The following OAS3 variants were observed in gnomAD, a reference collection of about 807,000 sequenced individuals.
OAS3 encodes 2'-5'-oligoadenylate synthetase 3.
A neutral mutation model predicts 113.0 loss-of-function variants in OAS3; 107 were observed. The observed-to-expected ratio is 0.95, with a 90% CI of 0.81 to 1.11. The LOEUF is 1.11. Among genes scored for constraint, OAS3 ranks in the 50% most tolerant of loss-of-function variants. The pLI is 0.00. For synonymous variants in OAS3, 552 were observed against 573.6 expected (o/e 0.96, Z 0.54); for missense variants, 1,258 against 1,389.1 (o/e 0.91, Z 1.50).
At position 112,954,047 on chromosome 12, in the gene OAS3, G is replaced by A. The variant is rs1446027070; in HGVS notation, c.1657+3072G>A. The stretch of plus-strand genomic sequence containing the variant: ...TGTTGCCATTGCTTTTGGTGTTTTA[G>A]TCATGAAGTCCTTGCCCATGCCTAT... On this transcript the variant is annotated intron_variant, in intron 7 of 15. Coordinates refer to ENST00000228928, the MANE Select transcript of OAS3 (RefSeq NM_006187.4). The surrounding 1 kb of genome is among the most constrained non-coding windows in gnomAD (Gnocchi z 4.0). 6.6e-6 allele frequency among the ~76,000 whole-genome samples: 1 copy of A among 152,144 alleles called. No individual in the cohort carries two copies. The highest frequency in any genetic ancestry group is 6.5e-5 in the Admixed American group (1 of 15,278).
rs950214878 is a variant in OAS3 at position 112,948,988 on chromosome 12, G to A, written c.1157G>A (p.Cys386Tyr). 2 of 1,613,832 alleles carry A rather than the reference G, an allele frequency of 1.2e-6. No individual in the cohort carries two copies. Among genetic ancestry groups the A allele is most frequent in the African/African-American group, 1.3e-5 (1 of 74,920 alleles). ...AGAGCAGGGAGCAAACCTCCCTCAT[G>A]CCCAGCTCCTGGCCCCACTGGGGCA... ...YPRAGSKPPS[C>Y]PAPGPTGAAS... Residue 386 changes from cysteine to tyrosine, a missense_variant, in exon 6 of 16, where the codon TGC (cysteine) becomes TAC (tyrosine). Transcript: ENST00000228928.
intron 1 of OAS3, among the ~76,000 whole-genome samples, chr12:112,940,554 C>T (rs938252349): frequency 6.6e-6 from 1 of 152,114 alleles, no homozygotes; most frequent in Admixed American, 6.5e-5. Context: ...GAAGCTTTGC[C>T]GAAAGAAACA....
At chr12:112,968,786 A>G (rs1039876958) in intron 14 of OAS3, among the ~76,000 whole-genome samples, 12 of 152,192 alleles carry the variant, frequency 7.9e-5, no homozygotes, top group African/African-American at 2.4e-4. Flanking sequence ...AAGTGCTGGG[A>G]TTACAGGCAT....
At chr12:112,968,921 A>C (rs1012328078) in intron 14 of OAS3, among the ~76,000 whole-genome samples, 1 of 152,212 alleles carries the variant, frequency 6.6e-6, no homozygotes, top group Non-Finnish European at 1.5e-5. Flanking sequence ...ATGGGTACAG[A>C]GATAATAGAG....
rs368532523 is a variant in OAS3 at position 112,941,527 on chromosome 12, G to A, written c.178-43G>A. The stretch of plus-strand genomic sequence containing the variant: ...TGCCTGCCAGGTTGCAAGGCCACTA[G>A]AATTGGACAGTATGAAATTCTGAGT... On this transcript the variant is annotated intron_variant, in intron 1 of 15. Transcript: ENST00000228928. 1.2e-5 allele frequency: 19 copies of A among 1,588,128 alleles called. No homozygotes were observed. The African/African-American group carries it at 1.7e-4, about 15-fold the overall frequency.
At chr12:112,953,659 G>C (rs1445297225) in intron 7 of OAS3, among the ~76,000 whole-genome samples, 1 of 151,968 alleles carries the variant, frequency 6.6e-6, no homozygotes, top group Non-Finnish European at 1.5e-5. Context: ...GTTGTTTCCT[G>C]ACTTTTTAAT....
intron 7 of OAS3, among the ~76,000 whole-genome samples, chr12:112,951,839 C>CAAAAAAAAA (rs3038125): frequency 7.2e-3 from 755 of 104,864 alleles, no homozygotes; most frequent in Middle Eastern, 0.015. Flanking sequence ...ACTAAAAATA[C>CAAAAAAAAA]AAAAAAAAAA....
chr12:112,963,195 A>T lies in OAS3; in HGVS notation c.2085-118A>T. The T allele has an allele frequency of 7.8e-7, 1 of 1,288,668 alleles. No individual in the cohort carries two copies. Among genetic ancestry groups the T allele is most frequent in the Non-Finnish European group, 1.0e-6 (1 of 960,316 alleles). The allele number at this position is 1,288,668 out of a possible 1,614,324, so 79.8% of individuals were successfully genotyped here. A position where few individuals can be genotyped will look rare whatever the true frequency, so the allele number is the denominator to read the frequency against. ...TCGCTTCTGCACTTGGGCAAGACTGAGCCAACCCTGAGGTCCTGACACTCT... is the reference window on the plus strand; with the variant it reads ...TCGCTTCTGCACTTGGGCAAGACTGTGCCAACCCTGAGGTCCTGACACTCT... On this transcript the variant is annotated intron_variant, in intron 9 of 15. Coordinates refer to ENST00000228928, the MANE Select transcript of OAS3 (RefSeq NM_006187.4). This position sits in a 1 kb window ranked among gnomAD's most constrained non-coding sequence, Gnocchi z 4.6.
At chr12:112,944,242 C>T (rs2043705807) in intron 2 of OAS3, among the ~76,000 whole-genome samples, 1 of 152,178 alleles carries the variant, frequency 6.6e-6, no homozygotes, top group Non-Finnish European at 1.5e-5. Context: ...GACTGCCTGG[C>T]CATTTGGGAT....
chr12:112,962,621 A>G (rs2136358154), intron 8 of OAS3, 31 bp from the exon 9 acceptor site: 1 of 1,605,626 alleles, frequency 6.2e-7, no homozygotes, highest in South Asian at 1.1e-5. Context: ...TCCACTAATC[A>G]CTCATCTTTG....
At position 112,946,736 on chromosome 12, in the gene OAS3, C is replaced by G. The variant is rs1239738725; in HGVS notation, c.637-7C>G. ...CTTCTGAGTCCCCTGCCGATGCCCT[C>G]TCACAGGTGTGCCTACAGGGGTTGT... On this transcript the variant is annotated splice_polypyrimidine_tract_variant and splice_region_variant and intron_variant, in intron 3 of 15. Coordinates refer to ENST00000228928, the MANE Select transcript of OAS3 (RefSeq NM_006187.4). The G allele has an allele frequency of 1.2e-6, 2 of 1,602,302 alleles. No individual in the cohort carries two copies. The highest frequency in any genetic ancestry group is 1.7e-6 in the Non-Finnish European group (2 of 1,174,170).
At position 112,963,373 on chromosome 12, in the gene OAS3, G is replaced by A; in HGVS notation, c.2145G>A (p.Leu715=). ...ACGTGGGCCACGGTAGCTGGGAGCT[G>A]TTGGCCCAGGAAGCAGCAGCGCTGG... ...TWNVGHGSWE[L]LAQEAAALGM... The change falls in exon 10 of 16, where the codon CTG becomes CTA. Residue 715 remains leucine (L), a synonymous_variant. Transcript: ENST00000228928. The surrounding 1 kb of genome is among the most constrained non-coding windows in gnomAD (Gnocchi z 4.6). 1 of 1,556,816 alleles carries A rather than the reference G, an allele frequency of 6.4e-7. No homozygotes were observed. The highest frequency in any genetic ancestry group is 8.7e-7 in the Non-Finnish European group (1 of 1,149,760).
intron 8 of OAS3, 31 bp downstream of exon 8, chr12:112,961,277 C>G: frequency 6.2e-7 from 1 of 1,602,542 alleles, no homozygotes; most frequent in Non-Finnish European, 8.5e-7. Flanking sequence ...CCCAGGAAGC[C>G]ACCACTGTCA....
chr12:112,970,362 A>C lies in OAS3; in HGVS notation c.*389A>C. 7.2e-6 allele frequency: 2 copies of C among 278,102 alleles called. No individual in the cohort carries two copies. The highest frequency in any genetic ancestry group is 1.4e-5 in the Non-Finnish European group (2 of 145,814). 17.2% of individuals were successfully genotyped at this position (278,102 alleles called of 1,614,324 possible). A position where few individuals can be genotyped will look rare whatever the true frequency, so the allele number is the denominator to read the frequency against. ...CACATCTTTCCTCCTGCTGCAATCCATCCCTTCCTCCCATTGGCCTCTCCT... is the reference window on the plus strand; with the variant it reads ...CACATCTTTCCTCCTGCTGCAATCCCTCCCTTCCTCCCATTGGCCTCTCCT... On this transcript the variant is annotated 3_prime_UTR_variant, in exon 16 of 16. Transcript: ENST00000228928.
intron 1 of OAS3, among the ~76,000 whole-genome samples, chr12:112,941,013 A>G (rs896202363): frequency 6.6e-6 from 1 of 152,080 alleles, no homozygotes; most frequent in Non-Finnish European, 1.5e-5. Flanking sequence ...AAAACTAAAA[A>G]TAAAAATAAA....
rs559681430 is a variant in OAS3 at position 112,941,765 on chromosome 12, G to T, written c.373G>T (p.Val125Leu). 6.2e-7 allele frequency: 1 copy of T among 1,614,028 alleles called. No individual in the cohort carries two copies. The highest frequency in any genetic ancestry group is 1.1e-5 in the South Asian group (1 of 91,088). ...GLRLTFPEQS[V>L]PGALQFRLTS... ...GAGACTCACGTTTCCTGAGCAGAGC[G>T]TGCCTGGGGCCCTGCAGTTCCGCCT... The change falls in exon 2 of 16, where the codon GTG (valine) becomes TTG (leucine). Residue 125 changes from valine to leucine, a missense_variant. By Grantham distance (32) the Val-to-Leu change is conservative (BLOSUM62 1). Transcript: ENST00000228928.
intron 1 of OAS3, among the ~76,000 whole-genome samples, chr12:112,940,440 C>G (rs2043669820): frequency 6.6e-6 from 1 of 152,186 alleles, no homozygotes; most frequent in Non-Finnish European, 1.5e-5. Flanking sequence ...GTAACTACAT[C>G]ACAGTTGTTT....
At chr12:112,967,157 C>G (rs976129321) in intron 12 of OAS3, among the ~76,000 whole-genome samples, 2 of 152,170 alleles carry the variant, frequency 1.3e-5, no homozygotes, top group African/African-American at 4.8e-5. Flanking sequence ...CAGGCTAGCT[C>G]CCAGCTGAGA....
In OAS3 at chr12:112,968,087, G is replaced by T; in HGVS notation, c.3017G>T (p.Arg1006Leu). The stretch of plus-strand genomic sequence containing the variant: ...GTCCTGGAGCTGGTCACCCAGTACC[G>T]CCAGCTCTGTATCTACTGGACCATC... ...RTVLELVTQY[R>L]QLCIYWTINY... is the part of the protein sequence containing the mutation. Residue 1006 changes from arginine to leucine, a missense_variant, in exon 14 of 16, where the codon CGC becomes CTC. Physicochemically the swap from Arg to Leu is moderately radical, Grantham distance 102. Transcript: ENST00000228928. 6.2e-7 allele frequency: 1 copy of T among 1,613,898 alleles called. No individual in the cohort carries two copies. Among genetic ancestry groups the T allele is most frequent in the Non-Finnish European group, 8.5e-7 (1 of 1,179,864 alleles).
Sources: allele counts gnomAD v4.1 joint callset (sites outside exome capture counted in the v4.1 genomes callset), GRCh38; gene constraint gnomAD v4.1.1; non-coding constraint Gnocchi (gnomAD v3.1); transcripts MANE v1.5; gene names NCBI Gene and HGNC (gene_info 2026-07-23, HGNC 2026-07-21).